Variants in PDXDC1 observed in about 807,000 individuals in gnomAD.
PDXDC1 encodes the protein pyridoxal dependent decarboxylase domain containing 1, also known as pyridoxal-dependent decarboxylase domain-containing protein 1.
Under a neutral mutation model 100.1 loss-of-function variants are expected in PDXDC1, and 42 were observed. That is an observed-to-expected ratio of 0.42 (90% CI 0.33 to 0.54). The LOEUF (loss-of-function observed/expected upper bound fraction) is 0.54. PDXDC1 is among the 20% of genes least tolerant of loss of function. The pLI is 0.10. For synonymous variants in PDXDC1, 260 were observed against 371.7 expected, an observed-to-expected ratio of 0.70 and a Z score of 3.46; for missense variants, 636 against 979.2, an observed-to-expected ratio of 0.65 and a Z score of 4.68.
chr16:15,034,271 T>G lies in PDXDC1; in HGVS notation c.1813-15T>G. The G allele has an allele frequency of 6.2e-7, 1 of 1,611,966 alleles. No homozygotes were observed. Reference sequence around the variant, plus strand: ...GAACCTTAAACAAGTAATGTCTTTCTTGGTCTTGCCACAGCTTCTGGAAAA... The same window carrying G: ...GAACCTTAAACAAGTAATGTCTTTCGTGGTCTTGCCACAGCTTCTGGAAAA... On this transcript the variant is annotated splice_polypyrimidine_tract_variant and intron_variant, in intron 19 of 22. Transcript: ENST00000396410.
chr16:15,056,986 C>T (rs1597838341), intron 16 of PDXDC1, among the ~76,000 whole-genome samples: 1 of 152,148 alleles, frequency 6.6e-6, no homozygotes, highest in Admixed American at 6.5e-5. Context: ...AGGTGAGAGG[C>T]GTCTCACCGT....
Position 15,034,655 on chromosome 16 carries a change from C to A in PDXDC1, c.2002+102C>A, listed in dbSNP as rs1228255611. 3 of 861,912 alleles carry A rather than the reference C, an allele frequency of 3.5e-6. No individual in the cohort carries two copies. In the Admixed American group the frequency reaches 5.7e-5, roughly 17 times the overall value. 53.4% of individuals were successfully genotyped at this position (861,912 alleles called of 1,614,324 possible). A position where few individuals can be genotyped will look rare whatever the true frequency, so the allele number is the denominator to read the frequency against. On this transcript the variant is annotated intron_variant, in intron 21 of 22. Transcript: ENST00000396410. ...CCCACTGAGAATCCCGCCCTGGTTC[C>A]CGTTCTTCATCACTGGGTGTGGGCC...
intron 16 of PDXDC1, chr16:15,061,996 TA>T: frequency 7.9e-7 from 1 of 1,261,000 alleles, no homozygotes; most frequent in Non-Finnish European, 1.1e-6. Context: ...TTAACGTTTG[TA>T]AAGATGGTGA....
intron 4 of PDXDC1, among the ~76,000 whole-genome samples, chr16:15,003,084 G>A (rs1973500961): frequency 1.3e-5 from 2 of 152,290 alleles, no homozygotes; most frequent in South Asian, 4.1e-4. Context: ...AGGAAAATTA[G>A]TTTTAATTCT....
rs150321506 is a variant in PDXDC1, at chr16:15,068,365, T to C, written c.1399+38309T>C. ...TTTTAAAAGCACAAATTATCACACA[T>C]TTAAAAAAAACTTTAAAAAATTATT... On this transcript the variant is annotated intron_variant, in intron 16 of 16. Coordinates refer to the PDXDC1 transcript ENST00000535621. 5.6e-4 allele frequency: 824 copies of C among 1,459,832 alleles called. 5 individuals are homozygous for C. The African/African-American group carries it at 0.011, about 19-fold the overall frequency. 90.4% of individuals were successfully genotyped at this position (1,459,832 alleles called of 1,614,324 possible). A position where few individuals can be genotyped will look rare whatever the true frequency, so the allele number is the denominator to read the frequency against.
intron 16 of PDXDC1, among the ~76,000 whole-genome samples, chr16:15,097,138 C>T (rs543266529): frequency 1.2e-4 from 18 of 152,008 alleles, no homozygotes; most frequent in Admixed American, 5.9e-4. Context: ...CATGGTGGCA[C>T]GTGCCTGTAG....
At chr16:15,064,538 A>G (rs893193184) in intron 16 of PDXDC1, among the ~76,000 whole-genome samples, 30 of 152,214 alleles carry the variant, frequency 2.0e-4, no homozygotes, top group African/African-American at 6.0e-4. Context: ...GGAAGGAACA[A>G]GACACTTGGC....
intron 16 of PDXDC1, chr16:15,080,183 T>C (rs1245544298): frequency 6.9e-7 from 1 of 1,457,392 alleles, no homozygotes; most frequent in African/African-American, 1.4e-5. Context: ...ACATGACCTT[T>C]AGTTTCAAAT....
chr16:15,040,956 T>G, downstream of PDXDC1: 1 of 776,450 alleles, frequency 1.3e-6, no homozygotes, highest in Admixed American at 1.9e-5. Context: ...AGCTGGGATC[T>G]GAACCCAAAG....
intron 16 of PDXDC1, among the ~76,000 whole-genome samples, chr16:15,064,501 G>T (rs1291266232): frequency 6.6e-6 from 1 of 152,096 alleles, no homozygotes; most frequent in Non-Finnish European, 1.5e-5. Context: ...TTTATCCTGT[G>T]CAACAGAATG....
At chr16:15,125,695 G>A (rs1223541149) in intron 16 of PDXDC1, 2 of 1,357,540 alleles carry the variant, frequency 1.5e-6, no homozygotes, top group African/African-American at 1.4e-5. Context: ...CCTCACCTCA[G>A]CGTGGAGGCC....
chr16:15,130,779 G>A, intron 16 of PDXDC1: 3 of 1,099,674 alleles, frequency 2.7e-6, no homozygotes, highest in South Asian at 1.2e-5. Context: ...GGGTTCCTCA[G>A]ACAGGTAGCG....
intron 16 of PDXDC1, chr16:15,046,080 C>T (rs2044047742): frequency 6.6e-6 from 1 of 152,192 alleles, no homozygotes. Context: ...GAGTGTGTGG[C>T]AACATAATGG....
intron 5 of PDXDC1, among the ~76,000 whole-genome samples, chr16:15,005,110 G>A (rs1437477043): frequency 6.6e-6 from 1 of 152,256 alleles, no homozygotes; most frequent in Admixed American, 6.5e-5. Flanking sequence ...TGTAATCCCA[G>A]CACTTTGGGA....
At chr16:15,146,109 G>A in the PDXDC1 span, among the ~76,000 whole-genome samples, 4 of 152,174 alleles carry the variant, frequency 2.6e-5, no homozygotes, top group Admixed American at 1.3e-4. Context: ...AGCGGTGCCC[G>A]GCCACTGTCA....
intron 12 of PDXDC1, among the ~76,000 whole-genome samples, chr16:15,020,247 G>C (rs1458223631): frequency 6.6e-6 from 1 of 152,222 alleles, no homozygotes; most frequent in Non-Finnish European, 1.5e-5. Flanking sequence ...TATATGACAA[G>C]GATTGCCAGG....
rs372855596 is a variant in PDXDC1, at chr16:15,047,601, T to C, written c.1399+17545T>C. ...AAGTTATTCCCTGATGCGAGTGCAG[T>C]GCGCAGGCCGAGACTCCGCCTGTCC... On this transcript the variant is annotated intron_variant, in intron 16 of 16. Transcript: ENST00000535621. The C allele has an allele frequency of 2.7e-3, 3,625 of 1,335,896 alleles. 11 individuals carry two copies. The highest frequency in any genetic ancestry group is 3.7e-3 in the Non-Finnish European group (3,471 of 925,976). 82.8% of individuals were successfully genotyped at this position (1,335,896 alleles called of 1,614,324 possible).
chr16:14,996,271 G>A, intron 1 of PDXDC1: 1 of 356,654 alleles, frequency 2.8e-6, no homozygotes, highest in Non-Finnish European at 5.4e-6. Context: ...AGGAGGCAAT[G>A]CAGTTTTAAA....
intron 16 of PDXDC1, among the ~76,000 whole-genome samples, chr16:15,124,308 G>A (rs1231921973): frequency 1.3e-5 from 2 of 152,178 alleles, no homozygotes; most frequent in East Asian, 1.9e-4. Context: ...CACACAGAGT[G>A]TGCCCAAACT....
Sources: gnomAD v4.1 joint callset for allele counts (sites outside exome capture counted in the v4.1 genomes callset) on GRCh38, gnomAD v4.1.1 for gene constraint, MANE v1.5 for transcripts, NCBI Gene and HGNC (gene_info 2026-07-23, HGNC 2026-07-21) for gene names.